The following P3H2 variants were observed in gnomAD, a reference collection of about 807,000 sequenced individuals.
P3H2 encodes the protein prolyl 3-hydroxylase 2.
In P3H2, 80 loss-of-function variants were observed where a neutral mutation model predicts 87.0. That is an observed-to-expected ratio of 0.92 (90% CI 0.77 to 1.11). The LOEUF is 1.11. Ranked by LOEUF, P3H2 falls within the 50% of genes least tolerant of loss-of-function variation. The pLI is 0.00. For synonymous variants in P3H2, 367 were observed against 359.3 expected, an observed-to-expected ratio of 1.02 and a Z score of -0.24; for missense variants, 1,001 against 923.9, an observed-to-expected ratio of 1.08 and a Z score of -1.08.
chr3:189,999,797 A>G (rs1384381032), intron 1 of P3H2, among the ~76,000 whole-genome samples: 1 of 152,230 alleles, frequency 6.6e-6, no homozygotes, highest in Non-Finnish European at 1.5e-5. Flanking sequence ...GAGGCCACTG[A>G]GATGTCAGAA....
At chr3:189,982,385 A>T (rs1723564079) in intron 8 of P3H2, among the ~76,000 whole-genome samples, 1 of 152,228 alleles carries the variant, frequency 6.6e-6, no homozygotes, top group Admixed American at 6.5e-5. Context: ...TATTGCTAAT[A>T]GTTTTTATTA....
intron 1 of P3H2, among the ~76,000 whole-genome samples, chr3:190,046,012 A>G (rs1191123730): frequency 6.6e-6 from 1 of 151,978 alleles, no homozygotes; most frequent in Non-Finnish European, 1.5e-5. Context: ...GGTCCCAGCT[A>G]CTCAGGAGGC....
At chr3:190,097,504 C>T (rs1171744449) in intron 1 of P3H2, among the ~76,000 whole-genome samples, 3 of 152,240 alleles carry the variant, frequency 2.0e-5, no homozygotes, top group Non-Finnish European at 4.4e-5. Flanking sequence ...CAATGAGGCC[C>T]CCACATACTG....
At chr3:190,051,302 T>C (rs1719642) in intron 1 of P3H2, among the ~76,000 whole-genome samples, 124,337 of 152,116 alleles carry the variant, frequency 0.82, 51,013 homozygotes, top group East Asian at 0.88. Context: ...CAAAATAACA[T>C]TTGTTTTTTC....
chr3:190,038,838 G>T (rs570338297), intron 1 of P3H2, among the ~76,000 whole-genome samples: 1 of 152,324 alleles, frequency 6.6e-6, no homozygotes, highest in South Asian at 2.1e-4. Flanking sequence ...AAGTTTTAAA[G>T]AATAAACTGC....
intron 1 of P3H2, among the ~76,000 whole-genome samples, chr3:190,084,053 GA>G (rs1382487522): frequency 6.6e-6 from 1 of 152,146 alleles, no homozygotes; most frequent in African/African-American, 2.4e-5. Context: ...TTCTCAGTAA[GA>G]AGATGATTTA....
At position 190,120,783 on chromosome 3, in the gene P3H2, A is replaced by C; in HGVS notation, c.-52T>G. On this transcript the variant is annotated 5_prime_UTR_variant, in exon 1 of 15. Coordinates refer to ENST00000319332, the MANE Select transcript of P3H2 (RefSeq NM_018192.4). ...GTTACGCTCGAGAGGGCTTCGGGGC[A>C]CCTCGCGTCCGGGTCCCCTCTCCCA... 6.7e-7 allele frequency: 1 copy of C among 1,500,584 alleles called. No homozygotes were observed. The highest frequency in any genetic ancestry group is 8.8e-7 in the Non-Finnish European group (1 of 1,130,304). 93.0% of individuals were successfully genotyped at this position (1,500,584 alleles called of 1,614,324 possible). A position where few individuals can be genotyped will look rare whatever the true frequency, so the allele number is the denominator to read the frequency against.
chr3:189,984,685 C>G, intron 6 of P3H2, 95 bp from the exon 7 acceptor site: 1 of 852,636 alleles, frequency 1.2e-6, no homozygotes, highest in Non-Finnish European at 2.0e-6. Flanking sequence ...ACAAAACATT[C>G]AAAAGATCTA....
chr3:190,044,387 C>T (rs992567701), intron 1 of P3H2, among the ~76,000 whole-genome samples: 6 of 152,142 alleles, frequency 3.9e-5, no homozygotes, highest in Admixed American at 3.3e-4. Context: ...AAACTTTTAG[C>T]CAAGGCACAT....
At chr3:189,995,266 A>G (rs369071738) in intron 2 of P3H2, 24 bp downstream of exon 2, 1 of 1,613,042 alleles carries the variant, frequency 6.2e-7, no homozygotes, top group African/African-American at 1.3e-5. Context: ...CCCTGTGGTG[A>G]GGGCAGGGGC....
chr3:190,048,690 T>C (rs1719636), intron 1 of P3H2, among the ~76,000 whole-genome samples: 124,417 of 152,180 alleles, frequency 0.82, 51,054 homozygotes, highest in East Asian at 0.88. Flanking sequence ...ATGATCAGAA[T>C]TGAAGCCTTT....
chr3:189,983,429 A>G, intron 7 of P3H2: 1 of 364,860 alleles, frequency 2.7e-6, no homozygotes, highest in South Asian at 4.7e-5. Flanking sequence ...CAAGTAGGAA[A>G]AAAATTATCA....
intron 12 of P3H2, chr3:189,971,418 C>A: frequency 4.2e-6 from 1 of 240,496 alleles, no homozygotes; most frequent in Non-Finnish European, 8.2e-6. Context: ...ATTCCTTACA[C>A]ACTGAAATCT....
chr3:190,120,692 G>T lies in P3H2; in HGVS notation c.40C>A (p.Leu14Met). 1 of 1,520,746 alleles carries T rather than the reference G, an allele frequency of 6.6e-7. No individual in the cohort carries two copies. The highest frequency in any genetic ancestry group is 8.8e-7 in the Non-Finnish European group (1 of 1,141,252). 94.2% of individuals were successfully genotyped at this position (1,520,746 alleles called of 1,614,324 possible). A position where few individuals can be genotyped will look rare whatever the true frequency, so the allele number is the denominator to read the frequency against. The change falls in exon 1 of 15, where the codon CTG becomes ATG. Residue 14 changes from leucine (L) to methionine (M), a missense_variant. Leu to Met is a conservative substitution (Grantham distance 15, BLOSUM62 2). Coordinates refer to ENST00000319332, the MANE Select transcript of P3H2 (RefSeq NM_018192.4). Reference protein sequence around the residue: ...RIWAPPLLLLLPLLLPPPLWG... With the variant: ...RIWAPPLLLLMPLLLPPPLWG... ...AGTGGCGGCGGCAGTAGCAGCGGCA[G>T]CAGCAGCAGCAGCGGCGGCGCCCAG...
chr3:190,032,495 GAA>G, intron 1 of P3H2, among the ~76,000 whole-genome samples: 1 of 152,096 alleles, frequency 6.6e-6, no homozygotes, highest in Non-Finnish European at 1.5e-5. Flanking sequence ...AGAAGGATGA[GAA>G]AGAGGAAAAG....
At chr3:189,995,571 A>G in intron 1 of P3H2, 129 bp from the exon 2 acceptor site, 1 of 737,782 alleles carries the variant, frequency 1.4e-6, no homozygotes, top group Non-Finnish European at 2.1e-6. Flanking sequence ...TTTTTTTTTT[A>G]TCAGACAGGC....
intron 1 of P3H2, among the ~76,000 whole-genome samples, chr3:190,089,080 TTTATC>T (rs1406819827): frequency 6.6e-6 from 1 of 152,188 alleles, no homozygotes; most frequent in African/African-American, 2.4e-5. Flanking sequence ...TCTCTAGCCC[TTTATC>T]TTATCTCCTA....
At chr3:190,090,238 T>C (rs1215113998) in intron 1 of P3H2, among the ~76,000 whole-genome samples, 1 of 152,192 alleles carries the variant, frequency 6.6e-6, no homozygotes, top group Non-Finnish European at 1.5e-5. Flanking sequence ...TTTTTATTTT[T>C]TTCCATTTCT....
At chr3:189,983,710 C>T (rs569168089) in intron 7 of P3H2, among the ~76,000 whole-genome samples, 2 of 152,236 alleles carry the variant, frequency 1.3e-5, no homozygotes. Flanking sequence ...TTTGAAGCCT[C>T]GTGAAAGACT....
Sources: gnomAD v4.1 joint callset for allele counts (sites outside exome capture counted in the v4.1 genomes callset) on GRCh38, gnomAD v4.1.1 for gene constraint, MANE v1.5 for transcripts, NCBI Gene and HGNC (gene_info 2026-07-23, HGNC 2026-07-21) for gene names.